Variants in APP observed in about 807,000 individuals in gnomAD.
APP encodes the protein amyloid-beta precursor protein.
A neutral mutation model predicts 101.4 loss-of-function variants in APP; 31 were observed. The observed-to-expected ratio is 0.31, with a 90% CI of 0.23 to 0.41. The LOEUF is 0.41. Ranked by LOEUF, APP falls within the 10% of genes least tolerant of loss-of-function variation. The pLI, the probability that APP is intolerant of heterozygous loss-of-function variation, is 1.00. For missense variants in APP, 839 were observed against 1,003.7 expected (o/e 0.84, Z 2.22); for synonymous variants, 366 against 364.4 (o/e 1.00, Z -0.05).
At chr21:26,004,571 C>T (rs576184493) in intron 6 of APP, among the ~76,000 whole-genome samples, 132 of 152,272 alleles carry the variant, frequency 8.7e-4, no homozygotes, top group African/African-American at 3.1e-3. Context: ...GGATTACAGG[C>T]GTGAGGCACC....
At position 25,973,943 on chromosome 21, in the gene APP, T is replaced by A. The variant is rs1340338648; in HGVS notation, c.1458+1127A>T. Among the ~76,000 whole-genome samples, 357 of 111,090 alleles carry A rather than the reference T, an allele frequency of 3.2e-3. 5 individuals are homozygous for A. The highest frequency in any genetic ancestry group is 0.013 in the African/African-American group (337 of 26,334). The allele number at this position is 111,090 out of a possible 152,430, so 72.9% of individuals were successfully genotyped here. A position where few individuals can be genotyped will look rare whatever the true frequency, so the allele number is the denominator to read the frequency against. On this transcript the variant is annotated intron_variant, in intron 11 of 17. Coordinates refer to ENST00000346798, the MANE Select transcript of APP (RefSeq NM_000484.4). ...TGACAGAGTGAGACTCCATCTCATT[T>A]AAAAAAAAAAAAAAAAAAAAAGAAC...
At chr21:25,931,453 C>CA (rs1384319454) in intron 13 of APP, among the ~76,000 whole-genome samples, 1 of 152,174 alleles carries the variant, frequency 6.6e-6, no homozygotes, top group African/African-American at 2.4e-5. Flanking sequence ...ATGCAATTAG[C>CA]AAAATCCCAG....
At chr21:26,045,552 C>T (rs1324871821) in intron 5 of APP, among the ~76,000 whole-genome samples, 1 of 152,180 alleles carries the variant, frequency 6.6e-6, no homozygotes, top group Non-Finnish European at 1.5e-5. Context: ...TTATTTCTCA[C>T]TATTCCTTTA....
At chr21:26,108,389 T>C (rs1395262319) in intron 2 of APP, among the ~76,000 whole-genome samples, 1 of 152,172 alleles carries the variant, frequency 6.6e-6, no homozygotes. Flanking sequence ...CTTACACTTA[T>C]AGCACACATC....
chr21:26,011,593 A>T (rs754540851), intron 6 of APP, among the ~76,000 whole-genome samples: 1 of 152,184 alleles, frequency 6.6e-6, no homozygotes, highest in Non-Finnish European at 1.5e-5. Context: ...GGCCCAAAAC[A>T]TCAATAGTAC....
chr21:25,945,141 T>C (rs1443186609), intron 13 of APP, among the ~76,000 whole-genome samples: 1 of 152,142 alleles, frequency 6.6e-6, no homozygotes, highest in Non-Finnish European at 1.5e-5. Flanking sequence ...CATCATGGCT[T>C]AAGGAAAAGC....
chr21:25,890,722 CAAA>C (rs10686276), intron 17 of APP, among the ~76,000 whole-genome samples: 2 of 114,696 alleles, frequency 1.7e-5, no homozygotes, highest in African/African-American at 3.4e-5. Flanking sequence ...GAGACTGTCT[CAAA>C]AAAAAAAAAA....
chr21:25,946,741 A>T (rs968374703), intron 13 of APP, among the ~76,000 whole-genome samples: 19 of 150,116 alleles, frequency 1.3e-4, no homozygotes, highest in African/African-American at 4.3e-4. Flanking sequence ...AAAATTGGGC[A>T]AAGAATCTGA....
At position 26,164,901 on chromosome 21, in the gene APP, G is replaced by GA. The variant is rs546262205; in HGVS notation, c.57+5662dup. On this transcript the variant is annotated intron_variant, in intron 1 of 17. Coordinates refer to ENST00000346798, the MANE Select transcript of APP (RefSeq NM_000484.4). ...TACATCCATGTTATGTGGAAAAAAA[G>GA]AAAAAAAAAAACTAGGTATTTCCCA... 6.7e-3 allele frequency among the ~76,000 whole-genome samples: 910 copies of GA among 135,906 alleles called. 10 individuals are homozygous for GA. Among genetic ancestry groups the GA allele is most frequent in the Middle Eastern group, 0.011 (3 of 264 alleles). 89.2% of individuals were successfully genotyped at this position (135,906 alleles called of 152,430 possible).
chr21:25,927,002 CAAAAAAAAAAAAAAAAA>C (rs36048306), intron 13 of APP, among the ~76,000 whole-genome samples: 2 of 67,268 alleles, frequency 3.0e-5, no homozygotes, highest in South Asian at 1.7e-3. Context: ...GACTCCGTCT[CAAAAAAAAAAAAAAAAA>C]AAAAAAAAAG....
At chr21:26,107,108 T>A (rs1307658201) in intron 2 of APP, among the ~76,000 whole-genome samples, 4 of 152,198 alleles carry the variant, frequency 2.6e-5, no homozygotes, top group Non-Finnish European at 5.9e-5. Flanking sequence ...TGCTACTAAA[T>A]AAGCTATTTT....
rs79473020 is a variant in APP, at chr21:25,913,801, T to C, written c.1688-1839A>G. 2.4e-4 allele frequency among the ~76,000 whole-genome samples: 36 copies of C among 152,260 alleles called. No individual in the cohort carries two copies. In the East Asian group the frequency reaches 4.3e-3, roughly 18 times the overall value. Reference sequence around the variant, plus strand: ...TGAATAACTCTTTTTACTCTTTTTTTCTCCTCTCTTCATCCCTGTCATTTT... The same window carrying C: ...TGAATAACTCTTTTTACTCTTTTTTCCTCCTCTCTTCATCCCTGTCATTTT... On this transcript the variant is annotated intron_variant, in intron 13 of 17. Coordinates refer to ENST00000346798, the MANE Select transcript of APP (RefSeq NM_000484.4).
chr21:25,951,905 GACTATAGATGACA>G (rs2041092714), intron 13 of APP, among the ~76,000 whole-genome samples: 1 of 152,042 alleles, frequency 6.6e-6, no homozygotes, highest in South Asian at 2.1e-4. Flanking sequence ...AATGAAAAAG[GACTATAGATGACA>G]ACTAGGTTCA....
At chr21:26,020,703 C>T (rs1271328121) in intron 6 of APP, among the ~76,000 whole-genome samples, 1 of 152,178 alleles carries the variant, frequency 6.6e-6, no homozygotes, top group Non-Finnish European at 1.5e-5. Context: ...CTTTTACTAT[C>T]TGCCAAGCAG....
intron 6 of APP, among the ~76,000 whole-genome samples, chr21:26,001,161 A>G (rs2043277965): frequency 1.3e-5 from 2 of 152,188 alleles, no homozygotes; most frequent in Admixed American, 6.5e-5. Flanking sequence ...CACACCACGC[A>G]CTGTTATACA....
In APP at chr21:26,053,368, C is replaced by A. The variant is rs1167887266; in HGVS notation, c.356-20G>T. 1.3e-6 allele frequency: 2 copies of A among 1,490,344 alleles called. No individual in the cohort carries two copies. The highest frequency in any genetic ancestry group is 2.8e-5 in the African/African-American group (2 of 72,374). 92.3% of individuals were successfully genotyped at this position (1,490,344 alleles called of 1,614,324 possible). Reference sequence around the variant, plus strand: ...CACCAACTGAAAGAAAGGAAAACCACTTCCCGTCATTCCATCTGTATCACA... The same window carrying A: ...CACCAACTGAAAGAAAGGAAAACCAATTCCCGTCATTCCATCTGTATCACA... On this transcript the variant is annotated intron_variant, in intron 3 of 17. Transcript: ENST00000346798.
chr21:25,979,275 C>T (rs939140823), intron 9 of APP, among the ~76,000 whole-genome samples: 1 of 152,178 alleles, frequency 6.6e-6, no homozygotes, highest in Admixed American at 6.5e-5. Context: ...AAAAACCGCA[C>T]AATTTTTAAA....
chr21:26,066,732 C>T (rs919708025), intron 3 of APP, among the ~76,000 whole-genome samples: 10 of 137,742 alleles, frequency 7.3e-5, no homozygotes, highest in African/African-American at 2.0e-4. Context: ...AAGGACTGAG[C>T]GCCTTTTCAC....
intron 9 of APP, among the ~76,000 whole-genome samples, chr21:25,977,925 G>A (rs2146583329): frequency 6.6e-6 from 1 of 152,286 alleles, no homozygotes; most frequent in Middle Eastern, 3.4e-3. Context: ...CCTGCTTTGG[G>A]AATGTTCACA....
Sources: allele counts gnomAD v4.1 joint callset (sites outside exome capture counted in the v4.1 genomes callset), GRCh38; gene constraint gnomAD v4.1.1; transcripts MANE v1.5; gene names NCBI Gene and HGNC (gene_info 2026-07-23, HGNC 2026-07-21).